Variants in KLK10 observed in about 807,000 individuals in gnomAD.
KLK10 encodes the protein kallikrein related peptidase 10.
In KLK10, 27 loss-of-function variants were observed where a neutral mutation model predicts 25.7. The ratio of observed to expected loss-of-function variants is 1.05; its 90% confidence interval spans 0.77 to 1.45. The LOEUF is 1.45. KLK10 is among the 40% of genes most tolerant of loss of function. The pLI, the probability that KLK10 is intolerant of heterozygous loss-of-function variation, is 0.00. For missense variants in KLK10, 386 were observed against 370.0 expected (o/e 1.04, Z -0.35); for synonymous variants, 173 against 160.1 (o/e 1.08, Z -0.61).
At position 51,015,425 on chromosome 19, in the gene KLK10, G is replaced by T. The variant is rs2091311556; in HGVS notation, c.670C>A (p.Pro224Thr). Residue 224 changes from proline (P) to threonine (T), a missense_variant, in exon 5 of 6, where the codon CCT (proline) becomes ACT (threonine). Pro to Thr is a conservative substitution (Grantham distance 38). Coordinates refer to ENST00000358789, the MANE Select transcript of KLK10 (RefSeq NM_145888.3). ...ICAGLDRGQD[P>T]CQSDSGGPLV... ...CCCTGTTCAGACCCTACCTGGCAAG[G>T]GTCCTGGCCCCGGTCCAGTCCAGCA... The T allele has an allele frequency of 6.2e-7, 1 of 1,613,612 alleles. No individual in the cohort carries two copies.
At position 51,014,786 on chromosome 19, in the gene KLK10, G is replaced by A. The variant is rs376893928; in HGVS notation, c.*14C>T. 3.9e-5 allele frequency: 62 copies of A among 1,574,868 alleles called. No individual in the cohort carries two copies. In the African/African-American group the frequency reaches 7.7e-4, roughly 19 times the overall value. ...GAGCATAACATCTGGATCAGCTGGA[G>A]CGTAGCATCTGGATCAGTTGGAGCG... On this transcript the variant is annotated 3_prime_UTR_variant, in exon 6 of 6. Transcript: ENST00000358789.
chr19:51,014,958 G>A lies in KLK10; in HGVS notation c.679-6C>T, dbSNP rs776871182. ...AGGGGGCCTCCAGAGTCACTCTGGG[G>A]GTGGCAGGAAGGAGAGATCAAATAA... On this transcript the variant is annotated splice_region_variant and splice_polypyrimidine_tract_variant and intron_variant, in intron 5 of 5. Transcript: ENST00000358789. 9.9e-6 allele frequency: 16 copies of A among 1,612,138 alleles called. No homozygotes were observed. The East Asian group carries it at 3.3e-4, about 34-fold the overall frequency.
In KLK10 at chr19:51,016,132, A is replaced by C. The variant is rs1280976304; in HGVS notation, c.294T>G (p.Asp98Glu). Residue 98 changes from aspartate (D) to glutamate (E), a missense_variant, in exon 4 of 6, where the codon GAT becomes GAG. By Grantham distance (45) the Asp-to-Glu change is conservative. Transcript: ENST00000358789. ...GNKPLWARVGDDHLLLLQGEQ... is the reference protein window; with the variant it reads ...GNKPLWARVGEDHLLLLQGEQ... ...CTCCCTGAAGAAGCAGCAGGTGGTC[A>C]TCCCCTACTCGAGCCCACAGTGGCC... 6.3e-7 allele frequency: 1 copy of C among 1,587,836 alleles called. No homozygotes were observed. The highest frequency in any genetic ancestry group is 1.1e-5 in the South Asian group (1 of 87,260).
chr19:51,015,039 G>A (rs1568563055), intron 5 of KLK10, 87 bp from the exon 6 acceptor site: 1 of 1,301,454 alleles, frequency 7.7e-7, no homozygotes, highest in Non-Finnish European at 1.1e-6. Context: ...GGGGAAGGAA[G>A]GAGTTGGGTT....
Position 51,014,870 on chromosome 19 carries a change from T to C in KLK10, c.761A>G (p.Gln254Arg). 6.2e-7 allele frequency: 1 copy of C among 1,614,048 alleles called. No homozygotes were observed. The highest frequency in any genetic ancestry group is 8.5e-7 in the Non-Finnish European group (1 of 1,179,932). The part of the protein sequence containing the change: ...SWGVYPCGSA[Q>R]HPAVYTQICK... ...GATCTGGGTGTAGACAGCTGGATGC[T>C]GGGCAGAGCCACAGGGGTAAACACC... Residue 254 changes from glutamine (Q) to arginine (R), a missense_variant, in exon 6 of 6, where the codon CAG becomes CGG. Gln to Arg is a conservative substitution (Grantham distance 43, BLOSUM62 1). Coordinates refer to ENST00000358789, the MANE Select transcript of KLK10 (RefSeq NM_145888.3).
In KLK10 at chr19:51,017,175, C is replaced by G. The variant is rs138334684; in HGVS notation, c.204G>C (p.Ser68=). 1 of 1,612,104 alleles carries G rather than the reference C, an allele frequency of 6.2e-7. No homozygotes were observed. Among genetic ancestry groups the G allele is most frequent in the Non-Finnish European group, 8.5e-7 (1 of 1,179,714 alleles). Residue 68 remains serine, a synonymous_variant, in exon 3 of 6, where the codon TCG becomes TCC. Transcript: ENST00000358789. ...CCACCAGGACACCCGCGCAGTGGAA[C>G]GAGAGGCCGTTGAAGAGCGAGACCT... ...PWQVSLFNGL[S]FHCAGVLVDQ... is the part of the protein sequence containing the mutation.
chr19:51,018,164 C>CAAAAAAAAA lies in KLK10; in HGVS notation c.88+870_89-875dup, dbSNP rs35154267. Among the ~76,000 whole-genome samples, 55 of 36,442 alleles carry CAAAAAAAAA rather than the reference C, an allele frequency of 1.5e-3. 4 individuals carry two copies. Among genetic ancestry groups the CAAAAAAAAA allele is most frequent in the East Asian group, 4.1e-3 (5 of 1,220 alleles). The allele number at this position is 36,442 out of a possible 152,430, so 23.9% of individuals were successfully genotyped here. ...ACGGAGACAGAGCACTGCCCTGTCT[C>CAAAAAAAAA]AAAAAAAAAAAAAAAAAAAAAAGAA... On this transcript the variant is annotated intron_variant, in intron 2 of 5. Transcript: ENST00000358789.
intron 3 of KLK10, 60 bp from the exon 4 acceptor site, chr19:51,016,216 G>A (rs2091327179): frequency 1.4e-6 from 2 of 1,478,676 alleles, no homozygotes; most frequent in Non-Finnish European, 1.8e-6. Flanking sequence ...AAAGCAGGTG[G>A]GCAGTGACGC....
intron 3 of KLK10, among the ~76,000 whole-genome samples, chr19:51,016,885 C>A (rs983939876): frequency 5.3e-5 from 8 of 152,152 alleles, no homozygotes; most frequent in Non-Finnish European, 1.2e-4. Flanking sequence ...TCCTAGAGCT[C>A]AAGGAGAATC....
At position 51,018,769 on chromosome 19, in the gene KLK10, G is replaced by A. The variant is rs1034218078; in HGVS notation, c.88+274C>T. ...TGGAGCGGGGCCGGGATGGGGCGGC[G>A]TAAGAGGAGGAGAAAGAACGCGGCG... On this transcript the variant is annotated intron_variant, in intron 2 of 5. Coordinates refer to ENST00000358789, the MANE Select transcript of KLK10 (RefSeq NM_145888.3). 4.7e-5 allele frequency: 25 copies of A among 528,454 alleles called. No individual in the cohort carries two copies. The Admixed American group carries it at 7.9e-4, about 17-fold the overall frequency. 32.7% of individuals were successfully genotyped at this position (528,454 alleles called of 1,614,324 possible).
chr19:51,014,280 A>C lies in KLK10; in HGVS notation c.*520T>G, dbSNP rs2091294408. 1 of 154,570 alleles carries C rather than the reference A, an allele frequency of 6.5e-6. No homozygotes were observed. The highest frequency in any genetic ancestry group is 1.4e-5 in the Non-Finnish European group (1 of 69,640). 9.6% of individuals were successfully genotyped at this position (154,570 alleles called of 1,614,324 possible). A position where few individuals can be genotyped will look rare whatever the true frequency, so the allele number is the denominator to read the frequency against. On this transcript the variant is annotated 3_prime_UTR_variant, in exon 6 of 6. Transcript: ENST00000358789. ...CGGGACGTGGTCAGATCACGACAAC[A>C]GGTAACCTTTAGTCAGAACTCACCA...
intron 5 of KLK10, 40 bp from the exon 6 acceptor site, chr19:51,014,992 A>G (rs1203977858): frequency 6.3e-7 from 1 of 1,586,622 alleles, no homozygotes; most frequent in Admixed American, 1.7e-5. Flanking sequence ...AAATGTGCCA[A>G]CGTGAGAGCT....
chr19:51,016,018 G>A lies in KLK10; in HGVS notation c.408C>T (p.His136=), dbSNP rs139432866. ...TGGCCAGCTTCAGCAACATGAGATC[G>A]TGCTCATCCGTTCGCCTTGGCAGGA... The part of the protein sequence containing the change: ...GPILPRRTDE[H]DLMLLKLARP... Residue 136 remains histidine, a synonymous_variant, in exon 4 of 6, where the codon CAC becomes CAT. Transcript: ENST00000358789. 2.8e-5 allele frequency: 44 copies of A among 1,565,752 alleles called. No individual in the cohort carries two copies. The highest frequency in any genetic ancestry group is 1.5e-4 in the African/African-American group (11 of 73,892).
chr19:51,015,795 T>A (rs2091318250), intron 4 of KLK10, 87 bp downstream of exon 4: 3 of 1,325,664 alleles, frequency 2.3e-6, no homozygotes, highest in Non-Finnish European at 3.0e-6. Flanking sequence ...AGGAATCCAG[T>A]CCCCAGCCCA....
rs934124312 is a variant in KLK10, at chr19:51,014,505, A to T, written c.*295T>A. Reference sequence around the variant, plus strand: ...GTGGCAGAGGAAGTCAGGTTGGGTGACCCCAGTAACTGCTCTCAGAGGCTG... The same window carrying T: ...GTGGCAGAGGAAGTCAGGTTGGGTGTCCCCAGTAACTGCTCTCAGAGGCTG... On this transcript the variant is annotated 3_prime_UTR_variant, in exon 6 of 6. Coordinates refer to ENST00000358789, the MANE Select transcript of KLK10 (RefSeq NM_145888.3). 2.0e-5 allele frequency: 5 copies of T among 253,266 alleles called. No homozygotes were observed. The Admixed American group carries it at 2.5e-4, about 13-fold the overall frequency. The allele number at this position is 253,266 out of a possible 1,614,324, so 15.7% of individuals were successfully genotyped here. A position where few individuals can be genotyped will look rare whatever the true frequency, so the allele number is the denominator to read the frequency against.
rs1481382129 is a variant in KLK10 at position 51,015,949 on chromosome 19, G to A, written c.477C>T (p.Pro159=). 11 of 1,590,848 alleles carry A rather than the reference G, an allele frequency of 6.9e-6. No homozygotes were observed. The highest frequency in any genetic ancestry group is 9.4e-6 in the Non-Finnish European group (11 of 1,170,966). Reference sequence around the variant, plus strand: ...GGTCTCCGGGCTGAGCACAGCGGTAGGGAAGCTGCAGGGCCCGGACGCGGG... The same window carrying A: ...GGTCTCCGGGCTGAGCACAGCGGTAAGGAAGCTGCAGGGCCCGGACGCGGG... The part of the protein sequence containing the change: ...LGPRVRALQL[P]YRCAQPGDQC... The change falls in exon 4 of 6, where the codon CCC becomes CCT. Residue 159 remains proline, a synonymous_variant. Coordinates refer to ENST00000358789, the MANE Select transcript of KLK10 (RefSeq NM_145888.3).
At chr19:51,018,701 C>G in intron 2 of KLK10, 1 of 308,492 alleles carries the variant, frequency 3.2e-6, no homozygotes, top group South Asian at 3.3e-5. Flanking sequence ...GAGACTCCGT[C>G]TCAAACAAAC....
In KLK10 at chr19:51,014,936, G is replaced by A; in HGVS notation, c.695C>T (p.Pro232Leu). Reference sequence around the variant, plus strand: ...TTGGAGGGTCTCGTCACAGACCAGGGGGCCTCCAGAGTCACTCTGGGGGTG... The same window carrying A: ...TTGGAGGGTCTCGTCACAGACCAGGAGGCCTCCAGAGTCACTCTGGGGGTG... Reference protein sequence around the residue: ...QDPCQSDSGGPLVCDETLQGI... With the variant: ...QDPCQSDSGGLLVCDETLQGI... Residue 232 changes from proline (P) to leucine (L), a missense_variant, in exon 6 of 6, where the codon CCC becomes CTC. By Grantham distance (98) the Pro-to-Leu change is moderately conservative. Coordinates refer to ENST00000358789, the MANE Select transcript of KLK10 (RefSeq NM_145888.3). 1 of 1,613,728 alleles carries A rather than the reference G, an allele frequency of 6.2e-7. No homozygotes were observed. The highest frequency in any genetic ancestry group is 8.5e-7 in the Non-Finnish European group (1 of 1,179,916).
rs556987508 is a variant in KLK10, at chr19:51,015,651, T to C, written c.545-101A>G. On this transcript the variant is annotated intron_variant, in intron 4 of 5. Transcript: ENST00000358789. ...CGTTTCTATCCTAAGCCCCAGCCCC[T>C]CCTCCTTCAGACTCAAGAATCCTGG... 149 of 1,362,352 alleles carry C rather than the reference T, an allele frequency of 1.1e-4. 3 individuals are homozygous for C. In the South Asian group the frequency reaches 1.3e-3, roughly 12 times the overall value. The allele number at this position is 1,362,352 out of a possible 1,614,324, so 84.4% of individuals were successfully genotyped here. A position where few individuals can be genotyped will look rare whatever the true frequency, so the allele number is the denominator to read the frequency against.
Sources: gnomAD v4.1 joint callset for allele counts (sites outside exome capture counted in the v4.1 genomes callset) on GRCh38, gnomAD v4.1.1 for gene constraint, MANE v1.5 for transcripts, NCBI Gene and HGNC (gene_info 2026-07-23, HGNC 2026-07-21) for gene names.